MGMT: variants seen among roughly 807,000 people sequenced by gnomAD.
MGMT encodes methylated-DNA--protein-cysteine methyltransferase.
MGMT carries 14 observed loss-of-function variants against 15.9 expected under a neutral mutation model. The ratio of observed to expected loss-of-function variants is 0.88; its 90% CI spans 0.58 to 1.37. MGMT has a LOEUF of 1.37. MGMT is among the 40% of genes most tolerant of loss of function. The pLI is 0.00. For missense variants in MGMT, 282 were observed against 268.1 expected (o/e 1.05, Z -0.36); for synonymous variants, 130 against 118.2 (o/e 1.10, Z -0.65).
intron 2 of MGMT, among the ~76,000 whole-genome samples, chr10:129,589,666 G>A (rs899651155): frequency 6.6e-6 from 1 of 152,212 alleles, no homozygotes; most frequent in African/African-American, 2.4e-5. Flanking sequence ...CCTATGGCCT[G>A]CGGCGGGGCT....
At position 129,566,276 on chromosome 10, in the gene MGMT, A is replaced by G. The variant is rs1846353369; in HGVS notation, c.125+29899A>G. Among the ~76,000 whole-genome samples the G allele has an allele frequency of 6.6e-6, 1 of 152,170 alleles. No homozygotes were observed. Among genetic ancestry groups the G allele is most frequent in the Non-Finnish European group, 1.5e-5 (1 of 68,022 alleles). On this transcript the variant is annotated intron_variant, in intron 2 of 4. Coordinates refer to ENST00000651593, the MANE Select transcript of MGMT (RefSeq NM_002412.5). The surrounding 1 kb of genome is among the most constrained non-coding windows in gnomAD (Gnocchi z 4.1). The stretch of plus-strand genomic sequence containing the variant: ...CACAGAGCTCCTGGAGGCCGAGCAC[A>G]AGCCTTGGGCAGAGGTGAGGCAGAG...
intron 2 of MGMT, among the ~76,000 whole-genome samples, chr10:129,560,989 G>GCGCGTGTGCA (rs147857973): frequency 4.0e-5 from 6 of 149,792 alleles, no homozygotes; most frequent in South Asian, 4.2e-4. Flanking sequence ...GTGTGTGTGT[G>GCGCGTGTGCA]TGTGTGTGTT....
intron 2 of MGMT, among the ~76,000 whole-genome samples, chr10:129,655,904 G>A (rs1224838936): frequency 3.3e-5 from 5 of 152,304 alleles, no homozygotes; most frequent in East Asian, 1.9e-4. Flanking sequence ...CTGAAAGAAC[G>A]TGGATGAGAA....
chr10:129,755,876 A>G (rs1404424944), intron 3 of MGMT, among the ~76,000 whole-genome samples: 2 of 152,232 alleles, frequency 1.3e-5, no homozygotes, highest in African/African-American at 2.4e-5. Flanking sequence ...TGGCAGAGCC[A>G]GGCTGGTCCC....
chr10:129,648,418 A>G (rs945881654), intron 2 of MGMT, among the ~76,000 whole-genome samples: 5 of 151,968 alleles, frequency 3.3e-5, no homozygotes, highest in African/African-American at 1.2e-4. Flanking sequence ...CCATAATTCA[A>G]TTTTCAGACT....
intron 2 of MGMT, among the ~76,000 whole-genome samples, chr10:129,668,326 T>G (rs896733380): frequency 6.6e-6 from 1 of 152,158 alleles, no homozygotes; most frequent in African/African-American, 2.4e-5. Context: ...TAAAAACCAT[T>G]CTTAGATGCT....
At chr10:129,489,250 C>T (rs1162094421) in intron 1 of MGMT, among the ~76,000 whole-genome samples, 1 of 148,124 alleles carries the variant, frequency 6.8e-6, no homozygotes, top group Non-Finnish European at 1.5e-5. Context: ...ATCCCAGTTA[C>T]TCGGGAGGCT....
In MGMT at chr10:129,511,809, G is replaced by A. The variant is rs148855642; in HGVS notation, c.-12-24432G>A. Reference sequence around the variant, plus strand: ...CTAGAGCCCCCCTATGCAAAGTGGCGTCTGGGCTGGCAGCATCACCTGGGC... The same window carrying A: ...CTAGAGCCCCCCTATGCAAAGTGGCATCTGGGCTGGCAGCATCACCTGGGC... On this transcript the variant is annotated intron_variant, in intron 1 of 4. Transcript: ENST00000651593. Among the ~76,000 whole-genome samples the A allele has an allele frequency of 2.9e-3, 448 of 152,256 alleles. 2 individuals are homozygous for A. Among genetic ancestry groups the A allele is most frequent in the African/African-American group, 1.0e-2 (415 of 41,548 alleles).
intron 3 of MGMT, among the ~76,000 whole-genome samples, chr10:129,720,999 C>T (rs1298701898): frequency 6.6e-6 from 1 of 151,578 alleles, no homozygotes; most frequent in Admixed American, 6.6e-5. Context: ...CATATGTTAT[C>T]GGATGAGAAG....
intron 1 of MGMT, among the ~76,000 whole-genome samples, chr10:129,494,412 A>G (rs933155026): frequency 2.0e-5 from 3 of 152,236 alleles, no homozygotes; most frequent in Non-Finnish European, 4.4e-5. Flanking sequence ...GTGGCCAGCC[A>G]CTTGCTGCGT....
chr10:129,484,579 AC>A (rs1845389621), intron 1 of MGMT, among the ~76,000 whole-genome samples: 2 of 151,910 alleles, frequency 1.3e-5, no homozygotes, highest in African/African-American at 4.8e-5. Flanking sequence ...ACGCATCTCT[AC>A]TTTTCTGGGT....
chr10:129,528,120 A>G (rs1242488040), intron 1 of MGMT, among the ~76,000 whole-genome samples: 2 of 152,126 alleles, frequency 1.3e-5, no homozygotes, highest in Non-Finnish European at 2.9e-5. Flanking sequence ...ATAATTAGAT[A>G]TTTTGTTCAA....
At chr10:129,667,062 C>T (rs1412862572) in intron 2 of MGMT, among the ~76,000 whole-genome samples, 5 of 152,144 alleles carry the variant, frequency 3.3e-5, no homozygotes, top group Admixed American at 6.5e-5. Context: ...TTGTTTGAAG[C>T]GTCACCCATT....
At chr10:129,644,490 A>C (rs1342797796) in intron 2 of MGMT, among the ~76,000 whole-genome samples, 1 of 152,172 alleles carries the variant, frequency 6.6e-6, no homozygotes, top group Non-Finnish European at 1.5e-5. Flanking sequence ...GACAGGGGTG[A>C]GAGGACTCGA....
chr10:129,657,707 G>GCGCA (rs1554874808), intron 2 of MGMT, among the ~76,000 whole-genome samples: 8 of 111,470 alleles, frequency 7.2e-5, no homozygotes, highest in African/African-American at 1.3e-4. Context: ...ACACACACAC[G>GCGCA]CACACACACA....
intron 3 of MGMT, among the ~76,000 whole-genome samples, chr10:129,758,693 C>G (rs925155215): frequency 2.0e-5 from 3 of 152,232 alleles, no homozygotes; most frequent in African/African-American, 7.2e-5. Flanking sequence ...GTGCTTGGCA[C>G]TCCGAGCAGT....
chr10:129,717,431 C>T (rs1848312368), intron 3 of MGMT, among the ~76,000 whole-genome samples: 1 of 152,112 alleles, frequency 6.6e-6, no homozygotes. Flanking sequence ...TAGTGAAATG[C>T]AAAATAATAT....
At chr10:129,703,684 C>T (rs1043319149) in intron 2 of MGMT, among the ~76,000 whole-genome samples, 23 of 152,052 alleles carry the variant, frequency 1.5e-4, no homozygotes, top group Admixed American at 6.5e-5. Flanking sequence ...CGGGGGGGCA[C>T]CTTTGCTTCG....
At chr10:129,732,826 C>G (rs1230387490) in intron 3 of MGMT, among the ~76,000 whole-genome samples, 1 of 145,176 alleles carries the variant, frequency 6.9e-6, no homozygotes, top group African/African-American at 2.5e-5. Context: ...TTTGTTCTTG[C>G]GATAGTTTAC....
Sources: gnomAD v4.1 joint callset for allele counts (sites outside exome capture counted in the v4.1 genomes callset) on GRCh38, gnomAD v4.1.1 for gene constraint, Gnocchi (gnomAD v3.1) non-coding constraint, MANE v1.5 for transcripts, NCBI Gene and HGNC (gene_info 2026-07-23, HGNC 2026-07-21) for gene names.